Variants in SOCS7 observed in about 807,000 individuals in gnomAD.
SOCS7 encodes NAP-4.
In SOCS7, 18 loss-of-function variants were observed where a neutral mutation model predicts 58.9. The observed-to-expected ratio is 0.31, with a 90% confidence interval of 0.21 to 0.45. The LOEUF (loss-of-function observed/expected upper bound fraction) is 0.45, where lower values mean the gene tolerates loss of function less well. SOCS7 is among the 20% of genes least tolerant of loss of function. SOCS7 has a pLI of 1.00. For missense variants in SOCS7, 667 were observed against 837.3 expected (o/e 0.80, Z 2.51); for synonymous variants, 388 against 364.3 (o/e 1.06, Z -0.74).
chr17:38,373,776 C>T (rs541424533), intron 6 of SOCS7, among the ~76,000 whole-genome samples: 29 of 152,312 alleles, frequency 1.9e-4, no homozygotes, highest in Admixed American at 1.1e-3. Context: ...TGCCCCCAGA[C>T]GCGACGTCGC....
intron 7 of SOCS7, among the ~76,000 whole-genome samples, chr17:38,381,959 A>AC (rs1450179479): frequency 1.3e-5 from 2 of 149,108 alleles, no homozygotes; most frequent in African/African-American, 2.5e-5. Context: ...AAAAAAAAAA[A>AC]AAAAAAAAAA....
At chr17:38,353,090 T>A (rs1163031884) in intron 1 of SOCS7, 58 bp downstream of exon 1, 4 of 1,414,408 alleles carry the variant, frequency 2.8e-6, no homozygotes, top group Non-Finnish European at 9.4e-7. Context: ...TTTCCCTTTT[T>A]ATCTATTGCT....
chr17:38,370,148 C>T (rs963098261), intron 6 of SOCS7, among the ~76,000 whole-genome samples: 1 of 151,922 alleles, frequency 6.6e-6, no homozygotes, highest in African/African-American at 2.4e-5. Context: ...CAGGTGTGCA[C>T]CACCACGCCC....
chr17:38,377,587 C>A, intron 6 of SOCS7, 127 bp from the exon 7 acceptor site: 2 of 731,794 alleles, frequency 2.7e-6, no homozygotes, highest in Non-Finnish European at 2.2e-6. Context: ...GCTTCAGAGA[C>A]CTTTGAGCCA....
At chr17:38,385,210 A>G (rs1489469903) in intron 7 of SOCS7, among the ~76,000 whole-genome samples, 1 of 151,634 alleles carries the variant, frequency 6.6e-6, no homozygotes, top group Non-Finnish European at 1.5e-5. Context: ...TTCTTTTTTA[A>G]TTTGTAGTTT....
intron 6 of SOCS7, among the ~76,000 whole-genome samples, chr17:38,370,052 A>G (rs140750832): frequency 1.3e-5 from 2 of 151,978 alleles, no homozygotes; most frequent in African/African-American, 4.8e-5. Context: ...TGGTCTCCCA[A>G]AGTGCTGGGA....
At chr17:38,397,118 A>G (rs188569638) in intron 9 of SOCS7, among the ~76,000 whole-genome samples, 2 of 152,334 alleles carry the variant, frequency 1.3e-5, no homozygotes, top group Non-Finnish European at 2.9e-5. Flanking sequence ...GTGGCATTGG[A>G]GAGCTCAAAC....
At chr17:38,386,403 A>G (rs1320925019) in intron 7 of SOCS7, among the ~76,000 whole-genome samples, 1 of 151,652 alleles carries the variant, frequency 6.6e-6, no homozygotes, top group Non-Finnish European at 1.5e-5. Context: ...TCAAGGCCAC[A>G]GTGAGCTGTG....
intron 7 of SOCS7, among the ~76,000 whole-genome samples, chr17:38,388,720 T>G (rs1026525317): frequency 3.3e-5 from 5 of 152,186 alleles, no homozygotes; most frequent in African/African-American, 9.7e-5. Context: ...ATTTGACTGT[T>G]TGGTACATTT....
intron 1 of SOCS7, among the ~76,000 whole-genome samples, chr17:38,355,592 A>G (rs1395317638): frequency 6.6e-6 from 1 of 152,116 alleles, no homozygotes; most frequent in East Asian, 1.9e-4. Context: ...ATGGTGAGAA[A>G]TTTCAGTCTT....
At chr17:38,396,118 GC>G (rs2038242242) in intron 9 of SOCS7, 120 bp downstream of exon 9, 12 of 800,094 alleles carry the variant, frequency 1.5e-5, no homozygotes, top group Non-Finnish European at 2.2e-5. Context: ...CCAGGCATTT[GC>G]CCATAGAATG....
chr17:38,356,502 C>G (rs753512111), intron 1 of SOCS7, among the ~76,000 whole-genome samples: 6 of 151,902 alleles, frequency 3.9e-5, no homozygotes, highest in Non-Finnish European at 8.8e-5. Context: ...ATAGCTGGGA[C>G]TACAGGTACA....
At chr17:38,362,133 T>C (rs1014906063) in intron 2 of SOCS7, among the ~76,000 whole-genome samples, 8 of 152,224 alleles carry the variant, frequency 5.3e-5, no homozygotes, top group African/African-American at 1.9e-4. Flanking sequence ...AATTTCTGTC[T>C]CTGCTTCCAA....
intron 1 of SOCS7, among the ~76,000 whole-genome samples, chr17:38,356,259 G>A (rs1180879264): frequency 1.3e-5 from 2 of 151,618 alleles, no homozygotes; most frequent in East Asian, 2.0e-4. Context: ...GTGTGCACCT[G>A]TAGTCCCAAT....
intron 7 of SOCS7, among the ~76,000 whole-genome samples, chr17:38,381,131 A>C (rs2037995463): frequency 1.3e-5 from 2 of 152,130 alleles, no homozygotes; most frequent in Non-Finnish European, 2.9e-5. Context: ...AACCATGTTT[A>C]CTGGGGGCAG....
intron 7 of SOCS7, among the ~76,000 whole-genome samples, chr17:38,381,050 T>C (rs1225123508): frequency 6.6e-6 from 1 of 152,066 alleles, no homozygotes; most frequent in African/African-American, 2.4e-5. Context: ...CACCGGTCTG[T>C]TATTGGAAGA....
intron 7 of SOCS7, among the ~76,000 whole-genome samples, chr17:38,380,131 T>C (rs970818345): frequency 1.6e-4 from 24 of 152,200 alleles, no homozygotes; most frequent in African/African-American, 5.8e-4. Context: ...ACTCCTCAGA[T>C]ACAGCTTATT....
chr17:38,378,277 C>T (rs1439096503), intron 7 of SOCS7, among the ~76,000 whole-genome samples: 2 of 152,088 alleles, frequency 1.3e-5, no homozygotes, highest in African/African-American at 4.8e-5. Flanking sequence ...GTGGCTCATG[C>T]CTGTAATCCC....
chr17:38,361,882 A>C (rs2037724920), intron 2 of SOCS7, 107 bp downstream of exon 2: 1 of 767,020 alleles, frequency 1.3e-6, no homozygotes, highest in Non-Finnish European at 2.1e-6. Context: ...GCGTGTCTGC[A>C]GTTATTTCCT....
Sources: allele counts gnomAD v4.1 joint callset (sites outside exome capture counted in the v4.1 genomes callset), GRCh38; gene constraint gnomAD v4.1.1; transcripts MANE v1.5; gene names NCBI Gene and HGNC (gene_info 2026-07-23, HGNC 2026-07-21).